NAALADL2: variants seen among roughly 807,000 people sequenced by gnomAD.
NAALADL2 encodes the protein inactive N-acetylated-alpha-linked acidic dipeptidase-like protein 2.
In NAALADL2, 76 loss-of-function variants were observed where a neutral mutation model predicts 87.2. The ratio of observed to expected loss-of-function variants is 0.87; its 90% CI spans 0.72 to 1.05. NAALADL2 has a LOEUF of 1.05. Among genes scored for constraint, NAALADL2 ranks in the 50% least tolerant of loss-of-function variants. NAALADL2 has a pLI of 0.00. For synonymous variants in NAALADL2, 354 were observed against 331.0 expected (o/e 1.07, Z -0.75); for missense variants, 1,089 against 945.8 (o/e 1.15, Z -1.99).
At chr3:174,754,443 C>T (rs528644161) in intron 3 of NAALADL2, among the ~76,000 whole-genome samples, 24 of 146,948 alleles carry the variant, frequency 1.6e-4, no homozygotes, top group African/African-American at 2.3e-4. Context: ...TATATTTCCA[C>T]GTATGCAAAA....
At chr3:175,017,413 G>A (rs1031140313) in intron 1 of NAALADL2, among the ~76,000 whole-genome samples, 1 of 152,056 alleles carries the variant, frequency 6.6e-6, no homozygotes, top group Non-Finnish European at 1.5e-5. Context: ...GCAGACCAGG[G>A]ATTTGAATCT....
chr3:175,549,322 C>T (rs1713945411), intron 9 of NAALADL2, among the ~76,000 whole-genome samples: 2 of 151,884 alleles, frequency 1.3e-5, no homozygotes, highest in Admixed American at 1.3e-4. Context: ...ATGTTATTTT[C>T]CTTTAATGAA....
At chr3:175,074,783 T>C (rs915198773) in intron 1 of NAALADL2, among the ~76,000 whole-genome samples, 1 of 152,050 alleles carries the variant, frequency 6.6e-6, no homozygotes, top group Non-Finnish European at 1.5e-5. Flanking sequence ...GGGAGTAGAC[T>C]GATGATCAGT....
intron 11 of NAALADL2, among the ~76,000 whole-genome samples, chr3:175,642,371 C>A (rs1560901687): frequency 6.6e-6 from 1 of 152,038 alleles, no homozygotes; most frequent in South Asian, 2.1e-4. Context: ...GATGTTCATG[C>A]AAGAAGAAAT....
rs986243705 is a variant in NAALADL2 at position 175,365,385 on chromosome 3, C to A, written c.1090+41060C>A. 1.4e-5 allele frequency among the ~76,000 whole-genome samples: 2 copies of A among 146,856 alleles called. 1 individual carries two copies. The highest frequency in any genetic ancestry group is 1.4e-4 in the Admixed American group (2 of 14,280). On this transcript the variant is annotated intron_variant, in intron 5 of 13. Transcript: ENST00000454872. ...AAATCTATTTAGATAATATTATTAT[C>A]CTCATTTTACAGCAGAGAAAACTGA...
At chr3:175,796,403 C>T (rs533220449) in intron 13 of NAALADL2, among the ~76,000 whole-genome samples, 2 of 152,260 alleles carry the variant, frequency 1.3e-5, no homozygotes, top group South Asian at 2.1e-4. Context: ...CTTTGTGCCT[C>T]AGTTGTCTGC....
chr3:175,429,466 G>A (rs1717386085), intron 5 of NAALADL2, among the ~76,000 whole-genome samples: 1 of 151,746 alleles, frequency 6.6e-6, no homozygotes, highest in African/African-American at 2.4e-5. Flanking sequence ...AGTTTCCTTT[G>A]CTTAGAAGGT....
At chr3:174,444,213 C>T (rs1206729967) in intron 1 of NAALADL2, among the ~76,000 whole-genome samples, 2 of 152,076 alleles carry the variant, frequency 1.3e-5, no homozygotes, top group Admixed American at 1.3e-4. Context: ...ACAAGAGAGA[C>T]TATCTGTTGC....
chr3:175,800,570 A>C (rs547874182), intron 13 of NAALADL2, among the ~76,000 whole-genome samples: 19 of 151,950 alleles, frequency 1.3e-4, no homozygotes, highest in African/African-American at 4.3e-4. Flanking sequence ...ACCCCTCATC[A>C]TGTACTCATT....
intron 13 of NAALADL2, among the ~76,000 whole-genome samples, chr3:175,793,026 T>G (rs1318213300): frequency 6.6e-6 from 1 of 152,220 alleles, no homozygotes; most frequent in Non-Finnish European, 1.5e-5. Flanking sequence ...GTGCCAACAT[T>G]TGGTCACATA....
At chr3:175,604,734 G>T (rs1723455974) in intron 10 of NAALADL2, among the ~76,000 whole-genome samples, 1 of 152,122 alleles carries the variant, frequency 6.6e-6, no homozygotes, top group Non-Finnish European at 1.5e-5. Flanking sequence ...TCTATATAAT[G>T]CTCAGGGTTT....
At chr3:175,642,256 A>G (rs1729390126) in intron 11 of NAALADL2, among the ~76,000 whole-genome samples, 1 of 152,206 alleles carries the variant, frequency 6.6e-6, no homozygotes, top group Non-Finnish European at 1.5e-5. Flanking sequence ...ATTAGAGGGT[A>G]TACATGCTTT....
chr3:175,809,830 G>GCTTC lies in NAALADL2; in HGVS notation c.*6627_*6628insCTTC. On this transcript the variant is annotated 3_prime_UTR_variant, in exon 14 of 14. Transcript: ENST00000454872. ...CATTTAGATATGTAAGATTTTAGAA[G>GCTTC]TAAAATCTCAGTGGTATAACATTTA... The GCTTC allele has an allele frequency of 6.6e-6, 1 of 151,992 alleles. No individual in the cohort carries two copies. Among genetic ancestry groups the GCTTC allele is most frequent in the African/African-American group, 2.4e-5 (1 of 41,406 alleles). The allele number at this position is 151,992 out of a possible 1,614,324, so 9.4% of individuals were successfully genotyped here.
intron 11 of NAALADL2, among the ~76,000 whole-genome samples, chr3:175,716,569 C>G (rs1245664587): frequency 6.6e-6 from 1 of 151,916 alleles, no homozygotes; most frequent in Non-Finnish European, 1.5e-5. Flanking sequence ...GGAGGCAGAG[C>G]ACTTCCATTA....
At chr3:174,454,038 A>T (rs542781428) in intron 1 of NAALADL2, among the ~76,000 whole-genome samples, 1 of 152,308 alleles carries the variant, frequency 6.6e-6, no homozygotes, top group African/African-American at 2.4e-5. Flanking sequence ...CCACAGGCTT[A>T]AAATAAAGGG....
chr3:175,501,323 T>C (rs912843084), intron 9 of NAALADL2, among the ~76,000 whole-genome samples: 1 of 152,146 alleles, frequency 6.6e-6, no homozygotes, highest in Admixed American at 6.6e-5. Context: ...GTAGGTTCCA[T>C]ATATGTGGTG....
chr3:174,468,475 G>T (rs1218078849), intron 1 of NAALADL2, among the ~76,000 whole-genome samples: 1 of 150,486 alleles, frequency 6.6e-6, no homozygotes, highest in Non-Finnish European at 1.5e-5. Flanking sequence ...CTGCCTCCTG[G>T]ATTCAAGCAA....
intron 2 of NAALADL2, among the ~76,000 whole-genome samples, chr3:175,205,598 G>A (rs962622468): frequency 6.6e-6 from 1 of 152,064 alleles, no homozygotes; most frequent in Non-Finnish European, 1.5e-5. Flanking sequence ...TGATAGTTGG[G>A]TCTTAATTAA....
At chr3:175,443,294 T>A (rs1002438420) in intron 5 of NAALADL2, among the ~76,000 whole-genome samples, 2 of 152,136 alleles carry the variant, frequency 1.3e-5, no homozygotes, top group Non-Finnish European at 2.9e-5. Flanking sequence ...TCAATTATGG[T>A]TTAGGGTTCA....
Sources: gnomAD v4.1 joint callset for allele counts (sites outside exome capture counted in the v4.1 genomes callset) on GRCh38, gnomAD v4.1.1 for gene constraint, MANE v1.5 for transcripts, NCBI Gene and HGNC (gene_info 2026-07-23, HGNC 2026-07-21) for gene names.